The following ATIC variants were observed in gnomAD, a reference collection of about 807,000 sequenced individuals.
ATIC encodes the protein bifunctional purine biosynthesis protein ATIC.
A neutral mutation model predicts 72.5 loss-of-function variants in ATIC; 64 were observed. That is an observed-to-expected ratio of 0.88 (90% CI 0.72 to 1.09). The LOEUF (loss-of-function observed/expected upper bound fraction) is 1.09. ATIC is among the 50% of genes least tolerant of loss of function. The probability of loss-of-function intolerance (pLI) is 0.00; values close to 1 mark genes in which losing one functional copy is unlikely to be tolerated. For missense variants in ATIC, 787 were observed against 732.4 expected (o/e 1.07, Z -0.86); for synonymous variants, 281 against 267.1 (o/e 1.05, Z -0.51).
chr2:215,334,873 A>T, intron 9 of ATIC, 46 bp from the exon 10 acceptor site: 2 of 1,466,570 alleles, frequency 1.4e-6, no homozygotes, highest in Non-Finnish European at 1.9e-6. Flanking sequence ...CTTTTTCTGT[A>T]TCAGGATACT....
Position 215,335,001 on chromosome 2 carries a change from A to T in ATIC, c.1005A>T (p.Arg335Ser), listed in dbSNP as rs1401790098. 1 of 1,611,074 alleles carries T rather than the reference A, an allele frequency of 6.2e-7. No individual in the cohort carries two copies. Among genetic ancestry groups the T allele is most frequent in the Non-Finnish European group, 8.5e-7 (1 of 1,177,538 alleles). The change falls in exon 10 of 16, where the codon AGA becomes AGT. Residue 335 changes from arginine (R) to serine (S), a missense_variant. Arg to Ser is a moderately radical substitution (Grantham distance 110). Coordinates refer to ENST00000236959, the MANE Select transcript of ATIC (RefSeq NM_004044.7). ...TACCAACTGCAAAAATTATTTCCAG[A>T]GAAGTTAGTGGACATTCATGTATCT... is the stretch of plus-strand genomic sequence containing the variant. ...CDVPTAKIIS[R>S]EVSDGIIAPG...
intron 11 of ATIC, among the ~76,000 whole-genome samples, chr2:215,338,508 A>G (rs936878282): frequency 3.3e-5 from 5 of 152,360 alleles, no homozygotes; most frequent in African/African-American, 7.2e-5. Context: ...AAAATCTATA[A>G]AATACTATTG....
chr2:215,354,450 C>T (rs529733375), downstream of ATIC, among the ~76,000 whole-genome samples: 3 of 152,112 alleles, frequency 2.0e-5, no homozygotes, highest in Non-Finnish European at 4.4e-5. Flanking sequence ...TATTTCTGTT[C>T]TTTGTGCTAA....
At chr2:215,334,577 A>G (rs2052934544) in intron 9 of ATIC, among the ~76,000 whole-genome samples, 1 of 152,154 alleles carries the variant, frequency 6.6e-6, no homozygotes. Flanking sequence ...TCCCTTTAGT[A>G]TTTCTGAAAG....
At chr2:215,353,513 T>C (rs190228032), downstream of ATIC, among the ~76,000 whole-genome samples, 39 of 152,300 alleles carry the variant, frequency 2.6e-4, 1 homozygote, top group Admixed American at 2.5e-3. Context: ...GCAGTGTCTG[T>C]GTGATGAAGC....
intron 8 of ATIC, 83 bp from the exon 9 acceptor site, chr2:215,333,267 G>A (rs2052915515): frequency 3.4e-6 from 4 of 1,173,530 alleles, no homozygotes; most frequent in Non-Finnish European, 2.6e-6. Context: ...TAGACTGGGT[G>A]TTAAGAAAAC....
At chr2:215,317,202 C>T (rs368986429) in intron 2 of ATIC, among the ~76,000 whole-genome samples, 1 of 152,184 alleles carries the variant, frequency 6.6e-6, no homozygotes, top group East Asian at 1.9e-4. Context: ...CTTCACTTGA[C>T]CCTTTGTCAC....
the ATIC span, among the ~76,000 whole-genome samples, chr2:215,367,162 A>G: frequency 6.6e-6 from 1 of 152,230 alleles, no homozygotes; most frequent in South Asian, 2.1e-4. Flanking sequence ...TAATCATCAC[A>G]TCTCCTAAAC....
rs1390456710 is a variant in ATIC, at chr2:215,326,226, C to G, written c.531+88C>G. ...GCAGTATTCAGTTCTTGGTAGATTG[C>G]ATTACCTACCAAAGCTTTGCTTGGA... On this transcript the variant is annotated intron_variant, in intron 6 of 15. Transcript: ENST00000236959. 5 of 1,477,264 alleles carry G rather than the reference C, an allele frequency of 3.4e-6. No individual in the cohort carries two copies. The Admixed American group carries it at 6.8e-5, about 20-fold the overall frequency. 91.5% of individuals were successfully genotyped at this position (1,477,264 alleles called of 1,614,324 possible).
chr2:215,339,366 A>T (rs1029674481), intron 12 of ATIC, among the ~76,000 whole-genome samples: 1 of 152,084 alleles, frequency 6.6e-6, no homozygotes, highest in Non-Finnish European at 1.5e-5. Flanking sequence ...AAAGTACAAA[A>T]ATTAGCCTGG....
chr2:215,353,611 G>C (rs1017096868), downstream of ATIC, among the ~76,000 whole-genome samples: 1 of 152,058 alleles, frequency 6.6e-6, no homozygotes, highest in Non-Finnish European at 1.5e-5. Flanking sequence ...GCCCAGGCTG[G>C]AGTGCAATGG....
chr2:215,316,058 C>G (rs1052397392), intron 2 of ATIC, among the ~76,000 whole-genome samples: 1 of 152,016 alleles, frequency 6.6e-6, no homozygotes, highest in East Asian at 1.9e-4. Context: ...ATTACCTTGT[C>G]ATGAGGTAAA....
intron 4 of ATIC, among the ~76,000 whole-genome samples, chr2:215,320,581 T>G (rs1001773398): frequency 6.6e-6 from 1 of 152,120 alleles, no homozygotes; most frequent in African/African-American, 2.4e-5. Context: ...ATTCTTAATT[T>G]AATTTAATTT....
chr2:215,342,815 G>T (rs908531389), intron 12 of ATIC, among the ~76,000 whole-genome samples: 4 of 152,170 alleles, frequency 2.6e-5, no homozygotes, highest in Non-Finnish European at 4.4e-5. Context: ...AGGGAGCTGG[G>T]ATTACAGGCA....
At chr2:215,353,771 A>G (rs1288774717), downstream of ATIC, among the ~76,000 whole-genome samples, 1 of 152,120 alleles carries the variant, frequency 6.6e-6, no homozygotes, top group African/African-American at 2.4e-5. Flanking sequence ...AATGTTAGCC[A>G]GGCTGGTCTC....
At chr2:215,360,661 G>A in the ATIC span, 2 of 152,318 alleles carry the variant, frequency 1.3e-5, no homozygotes, top group Non-Finnish European at 2.9e-5. Context: ...AGCAGAAAGT[G>A]TAAAGCTATC....
chr2:215,314,365 A>G (rs1031100505), intron 2 of ATIC, among the ~76,000 whole-genome samples: 1 of 152,212 alleles, frequency 6.6e-6, no homozygotes, highest in Non-Finnish European at 1.5e-5. Context: ...TATTTTACAT[A>G]TATAAACTCT....
chr2:215,366,010 G>T, the ATIC span, among the ~76,000 whole-genome samples: 1 of 140,398 alleles, frequency 7.1e-6, no homozygotes, highest in Non-Finnish European at 1.5e-5. Flanking sequence ...TAGAGATGGG[G>T]TTTTACCATG....
chr2:215,362,187 T>C, the ATIC span: 2 of 757,394 alleles, frequency 2.6e-6, no homozygotes, highest in African/African-American at 1.7e-5. Context: ...ACTGGCAAAA[T>C]ATAAGCAGTT....
Sources: gnomAD v4.1 joint callset for allele counts (sites outside exome capture counted in the v4.1 genomes callset) on GRCh38, gnomAD v4.1.1 for gene constraint, MANE v1.5 for transcripts, NCBI Gene and HGNC (gene_info 2026-07-23, HGNC 2026-07-21) for gene names.